ST3GAL2: variants seen among roughly 807,000 people sequenced by gnomAD.
ST3GAL2 encodes CMP-N-acetylneuraminate-beta-galactosamide-alpha-2,3-sialyltransferase 2.
In ST3GAL2, 16 loss-of-function variants were observed where a neutral mutation model predicts 37.5. That is an observed-to-expected ratio of 0.43 (90% CI 0.29 to 0.65). The LOEUF (loss-of-function observed/expected upper bound fraction) is 0.65. ST3GAL2 is among the 30% of genes least tolerant of loss of function. ST3GAL2 has a pLI of 0.17. For synonymous variants in ST3GAL2, 238 were observed against 202.9 expected (o/e 1.17, Z -1.47); for missense variants, 383 against 487.8 (o/e 0.79, Z 2.02).
intron 1 of ST3GAL2, among the ~76,000 whole-genome samples, chr16:70,411,412 T>C (rs918427256): frequency 2.0e-5 from 3 of 151,380 alleles, no homozygotes; most frequent in Non-Finnish European, 4.4e-5. Flanking sequence ...CAGCAGCACA[T>C]GAAGAAAAAG....
chr16:70,424,952 G>T (rs547250841), intron 1 of ST3GAL2, among the ~76,000 whole-genome samples: 1 of 152,284 alleles, frequency 6.6e-6, no homozygotes, highest in East Asian at 1.9e-4. Flanking sequence ...ACTGTGGCTG[G>T]GTGCATTTGG....
intron 4 of ST3GAL2, among the ~76,000 whole-genome samples, chr16:70,385,829 C>T (rs1230143601): frequency 1.3e-5 from 2 of 150,572 alleles, no homozygotes; most frequent in African/African-American, 4.9e-5. Flanking sequence ...CCACCTCATC[C>T]TTGAGTGGCT....
At chr16:70,383,798 A>G (rs1324662327) in intron 4 of ST3GAL2, among the ~76,000 whole-genome samples, 3 of 151,314 alleles carry the variant, frequency 2.0e-5, no homozygotes, top group Non-Finnish European at 4.4e-5. Context: ...CTTGTTCATC[A>G]TTGCCATGCC....
At chr16:70,427,319 G>GACCCTCAAA (rs2047758180) in intron 1 of ST3GAL2, among the ~76,000 whole-genome samples, 1 of 147,914 alleles carries the variant, frequency 6.8e-6, no homozygotes, top group Non-Finnish European at 1.5e-5. Flanking sequence ...AGCCCCTCAA[G>GACCCTCAAA]CCCCTCAAAC....
intron 3 of ST3GAL2, among the ~76,000 whole-genome samples, chr16:70,391,000 C>T (rs1003499614): frequency 4.6e-5 from 7 of 152,174 alleles, no homozygotes; most frequent in Admixed American, 1.3e-4. Flanking sequence ...AAGCAGGGAG[C>T]GCAGTCTCTA....
chr16:70,434,373 G>C (rs1267636398), intron 1 of ST3GAL2, among the ~76,000 whole-genome samples: 1 of 150,804 alleles, frequency 6.6e-6, no homozygotes, highest in Non-Finnish European at 1.5e-5. Context: ...GGAGTCAGAG[G>C]TTGCAGTGAG....
Position 70,388,563 on chromosome 16 carries a change from G to C in ST3GAL2, c.534-17C>G. 1.3e-6 allele frequency: 2 copies of C among 1,549,256 alleles called. No individual in the cohort carries two copies. The highest frequency in any genetic ancestry group is 2.0e-5 in the Admixed American group (1 of 50,406). The stretch of plus-strand genomic sequence containing the variant: ...TGATTCATCCTGCAGGGACAAGAGG[G>C]TGACATGAGAATCAACTGCCATGGA... On this transcript the variant is annotated splice_polypyrimidine_tract_variant and intron_variant, in intron 3 of 6. Coordinates refer to ENST00000342907, the MANE Select transcript of ST3GAL2 (RefSeq NM_006927.4).
chr16:70,424,399 C>T (rs1303835610), intron 1 of ST3GAL2, among the ~76,000 whole-genome samples: 1 of 150,344 alleles, frequency 6.7e-6, no homozygotes, highest in Non-Finnish European at 1.5e-5. Context: ...GTTGGGAGTT[C>T]GAGACCAGCC....
At chr16:70,383,981 C>T (rs1445339445) in intron 4 of ST3GAL2, among the ~76,000 whole-genome samples, 2 of 152,034 alleles carry the variant, frequency 1.3e-5, no homozygotes, top group South Asian at 2.1e-4. Flanking sequence ...CCCCTGCCCT[C>T]GATCCACTCC....
At chr16:70,386,643 T>G (rs531397668) in intron 4 of ST3GAL2, among the ~76,000 whole-genome samples, 1 of 150,738 alleles carries the variant, frequency 6.6e-6, no homozygotes, top group South Asian at 2.1e-4. Flanking sequence ...GGCCAAAAAT[T>G]TTTATTTTTT....
chr16:70,403,433 A>C (rs889864207), intron 1 of ST3GAL2, among the ~76,000 whole-genome samples: 11 of 152,180 alleles, frequency 7.2e-5, no homozygotes, highest in Non-Finnish European at 5.9e-5. Flanking sequence ...TGTAATCCCA[A>C]CATTTTGGGA....
chr16:70,403,186 A>G (rs1200447286), intron 1 of ST3GAL2, among the ~76,000 whole-genome samples: 2 of 151,968 alleles, frequency 1.3e-5, no homozygotes, highest in African/African-American at 4.8e-5. Context: ...GGGCTTAACT[A>G]GTAGGGTAGT....
chr16:70,406,136 G>A (rs1435497590), intron 1 of ST3GAL2, among the ~76,000 whole-genome samples: 4 of 151,360 alleles, frequency 2.6e-5, no homozygotes, highest in Admixed American at 6.6e-5. Context: ...GCTCAATAAA[G>A]GTGTTACAAC....
At chr16:70,388,816 C>T (rs1476692285) in intron 3 of ST3GAL2, among the ~76,000 whole-genome samples, 3 of 151,728 alleles carry the variant, frequency 2.0e-5, no homozygotes, top group African/African-American at 7.3e-5. Context: ...AATCCAGGCA[C>T]TTTGGGAGGC....
intron 1 of ST3GAL2, among the ~76,000 whole-genome samples, chr16:70,434,502 T>C (rs1356716431): frequency 1.3e-5 from 2 of 152,128 alleles, no homozygotes; most frequent in African/African-American, 2.4e-5. Flanking sequence ...TAAGGTTTGT[T>C]GAGCACATCA....
chr16:70,418,394 T>C (rs1036741804), intron 1 of ST3GAL2, among the ~76,000 whole-genome samples: 11 of 152,224 alleles, frequency 7.2e-5, no homozygotes, highest in African/African-American at 2.4e-4. Flanking sequence ...GGCTGTCCCT[T>C]CCAAAGGTAT....
chr16:70,386,354 A>AT (rs947752535), intron 4 of ST3GAL2, among the ~76,000 whole-genome samples: 9 of 151,498 alleles, frequency 5.9e-5, no homozygotes, highest in African/African-American at 1.5e-4. Context: ...CGGCCGGCTA[A>AT]TTTTTTTTTA....
intron 5 of ST3GAL2, 107 bp downstream of exon 5, chr16:70,383,083 G>T: frequency 6.3e-7 from 1 of 1,575,988 alleles, no homozygotes; most frequent in Non-Finnish European, 8.7e-7. Context: ...GGCAGATGGG[G>T]ACCCTGAGGT....
chr16:70,424,124 T>A (rs1045936106), intron 1 of ST3GAL2, among the ~76,000 whole-genome samples: 1 of 150,386 alleles, frequency 6.6e-6, no homozygotes, highest in African/African-American at 2.4e-5. Context: ...GTAGCTGGGA[T>A]CACAGGCATG....
Sources: gnomAD v4.1 joint callset for allele counts (sites outside exome capture counted in the v4.1 genomes callset) on GRCh38, gnomAD v4.1.1 for gene constraint, MANE v1.5 for transcripts, NCBI Gene and HGNC (gene_info 2026-07-23, HGNC 2026-07-21) for gene names.